Variants in AFF3 observed in about 807,000 individuals in gnomAD.
The protein encoded by AFF3 is AF4/FMR2 family member 3.
A neutral mutation model predicts 129.7 loss-of-function variants in AFF3; 32 were observed. The observed-to-expected ratio is 0.25, with a 90% confidence interval of 0.19 to 0.33. AFF3 has a LOEUF of 0.33. Ranked by LOEUF, AFF3 falls within the 10% of genes least tolerant of loss-of-function variation. The pLI, the probability that AFF3 is intolerant of heterozygous loss-of-function variation, is 1.00. For synonymous variants in AFF3, 644 were observed against 635.4 expected (o/e 1.01, Z -0.20); for missense variants, 1,373 against 1,592.0 (o/e 0.86, Z 2.34).
intron 12 of AFF3, among the ~76,000 whole-genome samples, chr2:99,666,620 A>C (rs888400349): frequency 6.6e-6 from 1 of 152,238 alleles, no homozygotes; most frequent in African/African-American, 2.4e-5. Flanking sequence ...AAAGTGAATA[A>C]AAATATGACA....
intron 8 of AFF3, among the ~76,000 whole-genome samples, chr2:99,822,779 C>G (rs34208889): frequency 6.6e-6 from 1 of 152,158 alleles, no homozygotes; most frequent in East Asian, 1.9e-4. Context: ...CTCATCCATA[C>G]GGTAACTAGC....
chr2:99,912,907 T>C (rs1695202481), intron 7 of AFF3, among the ~76,000 whole-genome samples: 1 of 152,160 alleles, frequency 6.6e-6, no homozygotes, highest in Non-Finnish European at 1.5e-5. Context: ...TGAAGGGCTG[T>C]CCTCTTTACA....
At chr2:99,592,800 G>T (rs1402890056) in intron 15 of AFF3, among the ~76,000 whole-genome samples, 1 of 152,066 alleles carries the variant, frequency 6.6e-6, no homozygotes, top group African/African-American at 2.4e-5. Flanking sequence ...GCTGGGCATG[G>T]TGGTGGACAC....
chr2:99,961,021 C>G (rs1402809318), intron 7 of AFF3, among the ~76,000 whole-genome samples: 1 of 152,214 alleles, frequency 6.6e-6, no homozygotes, highest in Non-Finnish European at 1.5e-5. Context: ...TTTCTCAAAA[C>G]TGGAACTCAC....
At chr2:99,649,248 C>T (rs570364165) in intron 13 of AFF3, among the ~76,000 whole-genome samples, 49 of 152,070 alleles carry the variant, frequency 3.2e-4, no homozygotes, top group African/African-American at 9.6e-4. Flanking sequence ...AGATAGCTCC[C>T]GGTGAAATGA....
At chr2:99,601,360 T>G in intron 14 of AFF3, 75 bp downstream of exon 14, 2 of 1,438,130 alleles carry the variant, frequency 1.4e-6, no homozygotes, top group African/African-American at 1.4e-5. Flanking sequence ...AGTGTGACAG[T>G]GACAATGCCC....
intron 7 of AFF3, among the ~76,000 whole-genome samples, chr2:99,976,793 T>A (rs1225089757): frequency 6.8e-6 from 1 of 146,526 alleles, no homozygotes; most frequent in African/African-American, 2.6e-5. Flanking sequence ...TTTCTTTTTG[T>A]TCCTGTTTTT....
chr2:99,783,458 T>C (rs1684551921), intron 8 of AFF3, among the ~76,000 whole-genome samples: 1 of 152,206 alleles, frequency 6.6e-6, no homozygotes, highest in Non-Finnish European at 1.5e-5. Context: ...AGGGAACTCA[T>C]CCATCTCAGG....
intron 4 of AFF3, among the ~76,000 whole-genome samples, chr2:100,056,924 G>A (rs113340354): frequency 0.028 from 4,237 of 152,226 alleles, 165 homozygotes; most frequent in African/African-American, 0.089. Context: ...TGAACAGCTG[G>A]TTCAATAAGT....
intron 4 of AFF3, among the ~76,000 whole-genome samples, chr2:100,050,981 C>T (rs1686280035): frequency 1.3e-5 from 2 of 152,246 alleles, no homozygotes; most frequent in Non-Finnish European, 1.5e-5. Context: ...CCTACCCAGA[C>T]AGAGAAACTG....
chr2:100,073,700 G>A (rs2105315903), intron 4 of AFF3, among the ~76,000 whole-genome samples: 1 of 152,318 alleles, frequency 6.6e-6, no homozygotes, highest in South Asian at 2.1e-4. Flanking sequence ...ATAGTCAGAA[G>A]TTAAAAATTA....
At chr2:99,928,323 G>A (rs1356641045) in intron 7 of AFF3, among the ~76,000 whole-genome samples, 1 of 152,176 alleles carries the variant, frequency 6.6e-6, no homozygotes, top group Non-Finnish European at 1.5e-5. Context: ...ATGGCATTAT[G>A]TAAGTTTTTA....
At chr2:99,690,195 T>TTAC (rs1315397051) in intron 11 of AFF3, among the ~76,000 whole-genome samples, 7 of 133,140 alleles carry the variant, frequency 5.3e-5, no homozygotes, top group Admixed American at 4.5e-4. Flanking sequence ...ATTATTATTA[T>TTAC]TATTTGAGAC....
intron 4 of AFF3, among the ~76,000 whole-genome samples, chr2:100,094,209 A>T (rs553576284): frequency 6.6e-6 from 1 of 152,174 alleles, no homozygotes; most frequent in Non-Finnish European, 1.5e-5. Context: ...GGATGGTTCA[A>T]GTGCATTACA....
At chr2:99,725,605 C>T (rs762644449) in intron 11 of AFF3, among the ~76,000 whole-genome samples, 32 of 152,154 alleles carry the variant, frequency 2.1e-4, no homozygotes, top group Non-Finnish European at 1.9e-4. Context: ...GTTGGGATTA[C>T]AAGCGTGAGC....
intron 4 of AFF3, among the ~76,000 whole-genome samples, chr2:100,027,473 T>C (rs377687102): frequency 5.9e-5 from 9 of 152,310 alleles, no homozygotes; most frequent in African/African-American, 2.2e-4. Flanking sequence ...AACTTTTTAA[T>C]TTATAGATAG....
intron 8 of AFF3, among the ~76,000 whole-genome samples, chr2:99,830,714 G>A (rs1688455003): frequency 6.6e-6 from 1 of 152,190 alleles, no homozygotes; most frequent in Non-Finnish European, 1.5e-5. Context: ...CAGCCTGGGT[G>A]ACAGAGTGAG....
intron 8 of AFF3, among the ~76,000 whole-genome samples, chr2:99,788,080 TAAAC>T (rs759586250): frequency 2.6e-4 from 39 of 152,174 alleles, no homozygotes; most frequent in Non-Finnish European, 5.4e-4. Flanking sequence ...CTGGCGTAAA[TAAAC>T]CTAATGCGAT....
At chr2:99,635,245 G>A (rs925075038) in intron 13 of AFF3, among the ~76,000 whole-genome samples, 10 of 150,614 alleles carry the variant, frequency 6.6e-5, no homozygotes, top group Middle Eastern at 3.4e-3. Context: ...ATATATATAC[G>A]TATCACATCT....
Sources: gnomAD v4.1 joint callset for allele counts (sites outside exome capture counted in the v4.1 genomes callset) on GRCh38, gnomAD v4.1.1 for gene constraint, MANE v1.5 for transcripts, NCBI Gene and HGNC (gene_info 2026-07-23, HGNC 2026-07-21) for gene names.